The following CDH13 variants were observed in gnomAD, a reference collection of about 807,000 sequenced individuals.
CDH13 encodes the protein cadherin 13.
A neutral mutation model predicts 63.8 loss-of-function variants in CDH13; 24 were observed. That is an observed-to-expected ratio of 0.38 (90% CI 0.27 to 0.53). CDH13 has a LOEUF of 0.53. Ranked by LOEUF, CDH13 falls within the 20% of genes least tolerant of loss-of-function variation. The pLI is 0.85. For synonymous variants in CDH13, 503 were observed against 355.3 expected, an observed-to-expected ratio of 1.42 and a Z score of -4.67; for missense variants, 1,049 against 903.1, an observed-to-expected ratio of 1.16 and a Z score of -2.07.
intron 8 of CDH13, among the ~76,000 whole-genome samples, chr16:83,605,728 C>T (rs114581588): frequency 6.6e-6 from 1 of 152,210 alleles, no homozygotes; most frequent in Non-Finnish European, 1.5e-5. Flanking sequence ...ATTATTATGA[C>T]AGTGATGTTT....
At chr16:82,821,582 A>G (rs1270815367) in intron 1 of CDH13, among the ~76,000 whole-genome samples, 1 of 152,224 alleles carries the variant, frequency 6.6e-6, no homozygotes, top group Non-Finnish European at 1.5e-5. Context: ...ACAGACAGTC[A>G]TGGAGCTTGC....
At chr16:83,299,236 CTTTGT>C (rs964774145) in intron 5 of CDH13, among the ~76,000 whole-genome samples, 1 of 149,402 alleles carries the variant, frequency 6.7e-6, no homozygotes, top group African/African-American at 2.5e-5. Flanking sequence ...GGATGTTTCT[CTTTGT>C]TTTATTATTC....
chr16:83,668,098 G>A (rs1031573555), intron 8 of CDH13, among the ~76,000 whole-genome samples: 5 of 152,168 alleles, frequency 3.3e-5, no homozygotes, highest in African/African-American at 9.6e-5. Context: ...CTGGTCTTCT[G>A]GAACACTCAG....
At chr16:83,340,959 G>A (rs1246539170) in intron 5 of CDH13, among the ~76,000 whole-genome samples, 2 of 152,108 alleles carry the variant, frequency 1.3e-5, no homozygotes, top group Non-Finnish European at 2.9e-5. Context: ...GTCTGAAGGG[G>A]TGGTCTTGAA....
intron 8 of CDH13, among the ~76,000 whole-genome samples, chr16:83,644,586 C>T (rs1446866462): frequency 1.3e-5 from 2 of 152,190 alleles, no homozygotes; most frequent in African/African-American, 4.8e-5. Flanking sequence ...TCACTTTTGT[C>T]ATCCCTCAGT....
chr16:83,386,908 C>G (rs937547768), intron 6 of CDH13, among the ~76,000 whole-genome samples: 2 of 152,152 alleles, frequency 1.3e-5, no homozygotes, highest in Non-Finnish European at 2.9e-5. Context: ...GTAAGGTCCA[C>G]CCCACCTTTT....
intron 1 of CDH13, chr16:82,639,392 C>T (rs1226626025): frequency 6.5e-7 from 1 of 1,535,580 alleles, no homozygotes; most frequent in South Asian, 1.2e-5. Flanking sequence ...GCATGGTTCC[C>T]CCAGCAAGAA....
chr16:83,327,828 C>T (rs966844360), intron 5 of CDH13, among the ~76,000 whole-genome samples: 3 of 152,070 alleles, frequency 2.0e-5, no homozygotes, highest in African/African-American at 7.2e-5. Context: ...GCAAAGACCC[C>T]AAAATAAAAA....
At chr16:83,511,488 C>A (rs147666821) in intron 7 of CDH13, among the ~76,000 whole-genome samples, 1 of 151,892 alleles carries the variant, frequency 6.6e-6, no homozygotes, top group East Asian at 1.9e-4. Context: ...TTCATACTTT[C>A]ACTCACATAT....
intron 5 of CDH13, among the ~76,000 whole-genome samples, chr16:83,342,413 A>C (rs76858049): frequency 0.03 from 4,556 of 152,292 alleles, 225 homozygotes; most frequent in African/African-American, 0.1. Flanking sequence ...AATAATTTTT[A>C]TTAAATTAAC....
intron 1 of CDH13, among the ~76,000 whole-genome samples, chr16:82,805,096 G>A (rs2037077199): frequency 6.6e-6 from 1 of 152,188 alleles, no homozygotes; most frequent in Admixed American, 6.5e-5. Context: ...AGAAGAGAGT[G>A]TGGACTTGCT....
intron 3 of CDH13, among the ~76,000 whole-genome samples, chr16:83,075,180 C>G (rs1397021372): frequency 6.6e-6 from 1 of 152,144 alleles, no homozygotes; most frequent in Non-Finnish European, 1.5e-5. Flanking sequence ...ATGAATGCAC[C>G]CTTTATTGGC....
intron 2 of CDH13, among the ~76,000 whole-genome samples, chr16:83,019,296 G>A (rs1915115440): frequency 6.6e-6 from 1 of 151,940 alleles, no homozygotes; most frequent in Non-Finnish European, 1.5e-5. Context: ...GTTAAAAGCT[G>A]AGACATGAAC....
chr16:83,437,092 C>A (rs2072327743), intron 6 of CDH13, among the ~76,000 whole-genome samples: 1 of 151,830 alleles, frequency 6.6e-6, no homozygotes, highest in Non-Finnish European at 1.5e-5. Context: ...TTTTTTTTCC[C>A]AGTAGTAGGC....
rs541073641 is a variant in CDH13, at chr16:83,044,491, T to TACAAAAAGA, written c.366+12276_366+12284dup. Among the ~76,000 whole-genome samples the TACAAAAAGA allele has an allele frequency of 2.0e-3, 306 of 152,326 alleles. 1 individual carries two copies. Among genetic ancestry groups the TACAAAAAGA allele is most frequent in the Middle Eastern group, 0.017 (5 of 294 alleles). On this transcript the variant is annotated intron_variant, in intron 3 of 13. Transcript: ENST00000567109. ...AAACTTTTCCTGTGAATAGAACCTT[T>TACAAAAAGA]ACAAAAAGAACCTTGTGGAAACAGC...
intron 1 of CDH13, among the ~76,000 whole-genome samples, chr16:82,638,020 T>C (rs1413582782): frequency 6.6e-6 from 1 of 152,220 alleles, no homozygotes; most frequent in Non-Finnish European, 1.5e-5. Context: ...ATTGTTACAA[T>C]AGGAAGCAGT....
chr16:83,446,098 T>C (rs2072679949), intron 6 of CDH13, among the ~76,000 whole-genome samples: 1 of 151,124 alleles, frequency 6.6e-6, no homozygotes, highest in Non-Finnish European at 1.5e-5. Context: ...AGGTCAGGAG[T>C]TCAAGACCAG....
At chr16:83,778,188 A>C (rs560025497) in intron 11 of CDH13, among the ~76,000 whole-genome samples, 79 of 152,362 alleles carry the variant, frequency 5.2e-4, no homozygotes, top group African/African-American at 1.9e-3. Context: ...CTCAGAGAAA[A>C]ATGAAGGCAA....
At chr16:83,154,197 G>C (rs1203101819) in intron 4 of CDH13, among the ~76,000 whole-genome samples, 7 of 152,070 alleles carry the variant, frequency 4.6e-5, no homozygotes, top group Non-Finnish European at 8.8e-5. Context: ...TCCTAAGGGA[G>C]AGCTGCTTCT....
Sources: gnomAD v4.1 joint callset for allele counts (sites outside exome capture counted in the v4.1 genomes callset) on GRCh38, gnomAD v4.1.1 for gene constraint, MANE v1.5 for transcripts, NCBI Gene and HGNC (gene_info 2026-07-23, HGNC 2026-07-21) for gene names.